The following MB21D2 variants were observed in gnomAD, a reference collection of about 807,000 sequenced individuals.
MB21D2 encodes the protein Mab-21 domain containing 2.
Under a neutral mutation model 33.3 loss-of-function variants are expected in MB21D2, and 9 were observed. The observed-to-expected ratio is 0.27, with a 90% confidence interval of 0.16 to 0.47. The LOEUF is 0.47. Ranked by LOEUF, MB21D2 falls within the 20% of genes least tolerant of loss-of-function variation. The probability of loss-of-function intolerance (pLI) is 0.99; values close to 1 mark genes in which losing one functional copy is unlikely to be tolerated. For missense variants in MB21D2, 540 were observed against 624.6 expected, an observed-to-expected ratio of 0.86 and a Z score of 1.44; for synonymous variants, 241 against 236.3, an observed-to-expected ratio of 1.02 and a Z score of -0.18.
chr3:192,832,688 G>T (rs1180152517), intron 1 of MB21D2, among the ~76,000 whole-genome samples: 1 of 152,156 alleles, frequency 6.6e-6, no homozygotes, highest in African/African-American at 2.4e-5. Flanking sequence ...TACTCGGGAG[G>T]CTGGGGCAGG....
At chr3:192,861,637 T>C (rs879666159) in intron 1 of MB21D2, among the ~76,000 whole-genome samples, 2 of 152,066 alleles carry the variant, frequency 1.3e-5, no homozygotes, top group African/African-American at 2.4e-5. Flanking sequence ...AGAAACCCTG[T>C]CTCTACTAAA....
At chr3:192,882,287 C>T (rs955248213) in intron 1 of MB21D2, among the ~76,000 whole-genome samples, 2 of 152,098 alleles carry the variant, frequency 1.3e-5, no homozygotes, top group African/African-American at 4.8e-5. Flanking sequence ...GTTGGTTAGG[C>T]TGGTCTCGAA....
At chr3:192,822,497 T>A (rs1712082189) in intron 1 of MB21D2, among the ~76,000 whole-genome samples, 1 of 152,000 alleles carries the variant, frequency 6.6e-6, no homozygotes, top group Non-Finnish European at 1.5e-5. Context: ...TAAGAGCAAA[T>A]GCAAATCACT....
chr3:192,814,741 T>TAC (rs879817742), intron 1 of MB21D2, among the ~76,000 whole-genome samples: 194 of 152,128 alleles, frequency 1.3e-3, no homozygotes, highest in Admixed American at 2.3e-3. Context: ...GGTGGACGCC[T>TAC]TTAGTCCCAG....
intron 1 of MB21D2, among the ~76,000 whole-genome samples, chr3:192,878,735 G>A (rs1020735238): frequency 4.6e-5 from 7 of 152,194 alleles, no homozygotes; most frequent in Non-Finnish European, 7.3e-5. Flanking sequence ...AGGCCAAGGC[G>A]AGCGGATCGC....
chr3:192,893,270 A>G (rs547685602), intron 1 of MB21D2, among the ~76,000 whole-genome samples: 110 of 152,282 alleles, frequency 7.2e-4, no homozygotes, highest in Non-Finnish European at 9.8e-4. Flanking sequence ...ATGAGAACCG[A>G]AACTGCGTTC....
intron 1 of MB21D2, among the ~76,000 whole-genome samples, chr3:192,815,462 G>C (rs1711900851): frequency 6.6e-6 from 1 of 152,178 alleles, no homozygotes; most frequent in African/African-American, 2.4e-5. Flanking sequence ...CATGTGTTTA[G>C]CAATGTTGAA....
intron 1 of MB21D2, among the ~76,000 whole-genome samples, chr3:192,882,867 T>C (rs573548227): frequency 6.6e-6 from 1 of 152,014 alleles, no homozygotes; most frequent in Non-Finnish European, 1.5e-5. Context: ...CCCGAGTAGC[T>C]GGGACTACAG....
At chr3:192,824,444 T>C (rs1712124999) in intron 1 of MB21D2, among the ~76,000 whole-genome samples, 1 of 151,900 alleles carries the variant, frequency 6.6e-6, no homozygotes, top group Non-Finnish European at 1.5e-5. Flanking sequence ...AAGAAAGGGA[T>C]TCAGAGAGAT....
At chr3:192,807,289 T>G (rs1231905974) in intron 1 of MB21D2, among the ~76,000 whole-genome samples, 1 of 149,758 alleles carries the variant, frequency 6.7e-6, no homozygotes, top group Non-Finnish European at 1.5e-5. Context: ...AGACTGACAA[T>G]TTACAAGGAC....
chr3:192,801,025 T>C (rs571860528), intron 1 of MB21D2, among the ~76,000 whole-genome samples: 19 of 152,334 alleles, frequency 1.2e-4, no homozygotes, highest in African/African-American at 3.8e-4. Context: ...TTTTAAGAGA[T>C]TGTGGGTCCT....
intron 1 of MB21D2, among the ~76,000 whole-genome samples, chr3:192,907,524 C>A (rs535743311): frequency 9.2e-5 from 14 of 152,152 alleles, no homozygotes; most frequent in Non-Finnish European, 1.8e-4. Context: ...GAGTCTTGAT[C>A]TCCAACCGAT....
intron 1 of MB21D2, among the ~76,000 whole-genome samples, chr3:192,822,056 ATC>A (rs1712071690): frequency 1.3e-5 from 2 of 152,118 alleles, no homozygotes; most frequent in Non-Finnish European, 2.9e-5. Context: ...GAAATACGTG[ATC>A]TGATTCTAAA....
At chr3:192,893,169 C>T (rs1177859138) in intron 1 of MB21D2, among the ~76,000 whole-genome samples, 4 of 152,146 alleles carry the variant, frequency 2.6e-5, no homozygotes, top group Non-Finnish European at 5.9e-5. Context: ...CAAAGCACCC[C>T]TGGAGTTTAA....
intron 1 of MB21D2, among the ~76,000 whole-genome samples, chr3:192,822,544 C>A (rs1168347550): frequency 1.3e-5 from 2 of 152,184 alleles, no homozygotes. Flanking sequence ...CGGGGAAGTG[C>A]TACTGGGGAC....
At chr3:192,911,534 A>C (rs1317526658) in intron 1 of MB21D2, among the ~76,000 whole-genome samples, 1 of 152,206 alleles carries the variant, frequency 6.6e-6, no homozygotes, top group Non-Finnish European at 1.5e-5. Context: ...CATGCTGAGC[A>C]GCTTGTTGGG....
chr3:192,866,263 C>A (rs927969954), intron 1 of MB21D2, among the ~76,000 whole-genome samples: 1 of 152,052 alleles, frequency 6.6e-6, no homozygotes, highest in African/African-American at 2.4e-5. Flanking sequence ...TAAATATATA[C>A]TAAAATTACA....
At chr3:192,863,230 T>C (rs1009323845) in intron 1 of MB21D2, among the ~76,000 whole-genome samples, 6 of 152,154 alleles carry the variant, frequency 3.9e-5, no homozygotes, top group Non-Finnish European at 1.5e-5. Flanking sequence ...CCCTAAAGCC[T>C]TCAGAGGGAG....
chr3:192,877,806 A>G (rs1321723830), intron 1 of MB21D2, among the ~76,000 whole-genome samples: 2 of 152,188 alleles, frequency 1.3e-5, no homozygotes, highest in African/African-American at 4.8e-5. Flanking sequence ...CAAGTACTGC[A>G]GACTGATATA....
Sources: allele counts gnomAD v4.1 joint callset (sites outside exome capture counted in the v4.1 genomes callset), GRCh38; gene constraint gnomAD v4.1.1; transcripts MANE v1.5; gene names NCBI Gene and HGNC (gene_info 2026-07-23, HGNC 2026-07-21).